OCA2: variants seen among roughly 807,000 people sequenced by gnomAD.
OCA2 encodes the protein OCA2 melanosomal transmembrane protein.
In OCA2, 77 loss-of-function variants were observed where a neutral mutation model predicts 100.2. That is an observed-to-expected ratio of 0.77 (90% CI 0.64 to 0.93). The LOEUF is 0.93. OCA2 is among the 40% of genes least tolerant of loss of function. The pLI is 0.00. For synonymous variants in OCA2, 432 were observed against 439.2 expected (o/e 0.98, Z 0.21); for missense variants, 1,062 against 1,089.1 (o/e 0.98, Z 0.35).
At chr15:28,097,200 C>T (rs943730889) in intron 1 of OCA2, among the ~76,000 whole-genome samples, 1 of 152,246 alleles carries the variant, frequency 6.6e-6, no homozygotes, top group Non-Finnish European at 1.5e-5. Context: ...GCCACACCTC[C>T]CCACGGGTCG....
At chr15:27,956,974 G>A (rs1410173783) in intron 16 of OCA2, among the ~76,000 whole-genome samples, 2 of 152,186 alleles carry the variant, frequency 1.3e-5, no homozygotes, top group African/African-American at 4.8e-5. Flanking sequence ...CTCAGCTGTG[G>A]GGACGCTTCA....
At chr15:27,738,464 G>A in the OCA2 span, among the ~76,000 whole-genome samples, 5 of 152,254 alleles carry the variant, frequency 3.3e-5, no homozygotes, top group South Asian at 4.2e-4. Flanking sequence ...GGCCGGGCGC[G>A]GTGGCTCATG....
At chr15:28,093,418 A>C (rs1339977987) in intron 1 of OCA2, among the ~76,000 whole-genome samples, 2 of 152,094 alleles carry the variant, frequency 1.3e-5, no homozygotes, top group Non-Finnish European at 2.9e-5. Flanking sequence ...TCTCAAAAAA[A>C]AAAAAAGAAA....
chr15:28,050,643 C>T (rs532686837), intron 2 of OCA2, among the ~76,000 whole-genome samples: 7 of 151,942 alleles, frequency 4.6e-5, no homozygotes, highest in African/African-American at 1.7e-4. Context: ...GCATCCTCTT[C>T]ATCTAGGAGA....
intron 14 of OCA2, among the ~76,000 whole-genome samples, chr15:27,977,704 T>C (rs1438954794): frequency 6.6e-6 from 1 of 152,176 alleles, no homozygotes; most frequent in Non-Finnish European, 1.5e-5. Flanking sequence ...GGGGTGGTAT[T>C]AGGAGATGGA....
chr15:27,780,453 A>C (rs887747993), intron 23 of OCA2, among the ~76,000 whole-genome samples: 17 of 152,228 alleles, frequency 1.1e-4, no homozygotes, highest in African/African-American at 3.9e-4. Context: ...CTGGTGCTGC[A>C]GTCCAAGTGC....
At chr15:27,911,454 T>A (rs924191673) in intron 19 of OCA2, among the ~76,000 whole-genome samples, 2 of 152,126 alleles carry the variant, frequency 1.3e-5, no homozygotes, top group Non-Finnish European at 2.9e-5. Context: ...AAGAGGTTTA[T>A]TTGGCTCACA....
In OCA2 at chr15:27,871,240, G is replaced by A. The variant is rs141545475; in HGVS notation, c.2158C>T (p.Arg720Cys). 55 of 1,613,924 alleles carry A rather than the reference G, an allele frequency of 3.4e-5. No homozygotes were observed. The Middle Eastern group carries it at 4.9e-4, about 14-fold the overall frequency. Residue 720 changes from arginine (R) to cysteine (C), a missense_variant, in exon 21 of 24, where the codon CGC becomes TGC. Physicochemically the swap from Arg to Cys is radical, Grantham distance 180. Transcript: ENST00000354638. ...ACCAGGACAATGGCGGCTATGAGGC[G>A]CTGCTCCTCTGGGACCATCTGGAAG... ...LLIKMVPEEQ[R>C]LIAAIVLVVW...
At chr15:28,016,227 C>A (rs368996642) in intron 7 of OCA2, 41 bp from the exon 8 acceptor site, 1 of 1,487,812 alleles carries the variant, frequency 6.7e-7, no homozygotes, top group Non-Finnish European at 9.4e-7. Context: ...GGCTTTTCAC[C>A]TGAGACACCA....
intron 2 of OCA2, among the ~76,000 whole-genome samples, chr15:28,072,864 GC>G (rs1468032221): frequency 1.3e-5 from 2 of 152,146 alleles, no homozygotes; most frequent in East Asian, 3.9e-4. Context: ...ATGCAAATTA[GC>G]CCAGCTACTG....
intron 21 of OCA2, among the ~76,000 whole-genome samples, chr15:27,865,766 G>A (rs1315839698): frequency 6.6e-6 from 1 of 152,214 alleles, no homozygotes; most frequent in Non-Finnish European, 1.5e-5. Flanking sequence ...ATGGCAAGGA[G>A]GCGGCACTGC....
At chr15:27,762,069 G>A (rs1035683715) in intron 23 of OCA2, among the ~76,000 whole-genome samples, 1 of 152,170 alleles carries the variant, frequency 6.6e-6, no homozygotes, top group Non-Finnish European at 1.5e-5. Context: ...ATAAATGTAA[G>A]GGGTATAAGT....
At chr15:27,747,773 G>C in the OCA2 span, among the ~76,000 whole-genome samples, 1 of 152,080 alleles carries the variant, frequency 6.6e-6, no homozygotes, top group African/African-American at 2.4e-5. Flanking sequence ...ATTCTCGTTT[G>C]ATCACATGAG....
the OCA2 span, among the ~76,000 whole-genome samples, chr15:27,732,204 G>A: frequency 2.6e-5 from 4 of 152,328 alleles, no homozygotes; most frequent in South Asian, 8.3e-4. Flanking sequence ...TGAGAACAAT[G>A]AATTCCATCA....
At chr15:27,867,945 T>A (rs896757164) in intron 21 of OCA2, among the ~76,000 whole-genome samples, 3 of 152,228 alleles carry the variant, frequency 2.0e-5, no homozygotes, top group African/African-American at 7.2e-5. Flanking sequence ...ATTGTTTTCA[T>A]CCTTCCCTCT....
intron 21 of OCA2, among the ~76,000 whole-genome samples, chr15:27,864,208 C>A (rs1042984548): frequency 6.6e-5 from 10 of 152,124 alleles, no homozygotes; most frequent in Admixed American, 6.5e-4. Flanking sequence ...TGTGCTCCTC[C>A]CATTTCTGTT....
chr15:28,052,089 G>A (rs979532363), intron 2 of OCA2, among the ~76,000 whole-genome samples: 2 of 152,094 alleles, frequency 1.3e-5, no homozygotes, highest in African/African-American at 4.8e-5. Context: ...GGTGCTGAAT[G>A]GCCCTGACCA....
At chr15:27,810,820 G>A (rs1419412332) in intron 23 of OCA2, among the ~76,000 whole-genome samples, 2 of 152,144 alleles carry the variant, frequency 1.3e-5, no homozygotes, top group East Asian at 3.8e-4. Context: ...ACCACAATGA[G>A]ATGCCATCTT....
At chr15:27,748,010 A>C in the OCA2 span, among the ~76,000 whole-genome samples, 1 of 152,172 alleles carries the variant, frequency 6.6e-6, no homozygotes, top group African/African-American at 2.4e-5. Context: ...CAACAGAAGA[A>C]GGTAACCCAG....
Sources: gnomAD v4.1 joint callset for allele counts (sites outside exome capture counted in the v4.1 genomes callset) on GRCh38, gnomAD v4.1.1 for gene constraint, MANE v1.5 for transcripts, NCBI Gene and HGNC (gene_info 2026-07-23, HGNC 2026-07-21) for gene names.